The following RNF13 variants were observed in gnomAD, a reference collection of about 807,000 sequenced individuals.
The protein encoded by RNF13 is E3 ubiquitin-protein ligase RNF13.
RNF13 carries 19 observed loss-of-function variants against 37.7 expected under a neutral mutation model. That is an observed-to-expected ratio of 0.50 (90% CI 0.35 to 0.74). The LOEUF (loss-of-function observed/expected upper bound fraction) is 0.74. RNF13 is among the 30% of genes least tolerant of loss of function. The pLI is 0.01. For missense variants in RNF13, 375 were observed against 453.0 expected (o/e 0.83, Z 1.56); for synonymous variants, 144 against 157.8 (o/e 0.91, Z 0.65).
At chr3:149,958,364 T>C (rs1722062952) in intron 8 of RNF13, among the ~76,000 whole-genome samples, 1 of 152,120 alleles carries the variant, frequency 6.6e-6, no homozygotes, top group South Asian at 2.1e-4. Flanking sequence ...TGACCCTTCT[T>C]CCCCCTATCT....
At chr3:149,918,243 T>A (rs1314417586) in intron 7 of RNF13, among the ~76,000 whole-genome samples, 1 of 152,164 alleles carries the variant, frequency 6.6e-6, no homozygotes, top group East Asian at 1.9e-4. Flanking sequence ...TTACAGCACA[T>A]CCCAGTTCAG....
chr3:149,866,313 T>C (rs928859797), intron 3 of RNF13, among the ~76,000 whole-genome samples: 2 of 152,240 alleles, frequency 1.3e-5, no homozygotes, highest in African/African-American at 2.4e-5. Context: ...TTCTTGATGA[T>C]ATGCTAAACA....
At chr3:149,931,700 G>T (rs1024828473) in intron 8 of RNF13, among the ~76,000 whole-genome samples, 2 of 152,140 alleles carry the variant, frequency 1.3e-5, no homozygotes, top group African/African-American at 2.4e-5. Flanking sequence ...TGTGTGTTGG[G>T]AATAATTCAA....
At chr3:149,943,915 A>T (rs1464212407) in intron 8 of RNF13, among the ~76,000 whole-genome samples, 2 of 151,190 alleles carry the variant, frequency 1.3e-5, no homozygotes, top group Non-Finnish European at 2.9e-5. Flanking sequence ...GCACCCATTA[A>T]CTCGTTATTT....
At chr3:149,841,188 G>GC (rs1389363013) in intron 1 of RNF13, among the ~76,000 whole-genome samples, 1 of 152,156 alleles carries the variant, frequency 6.6e-6, no homozygotes, top group African/African-American at 2.4e-5. Flanking sequence ...CTGACAGCCT[G>GC]CATTTATTTT....
intron 4 of RNF13, among the ~76,000 whole-genome samples, chr3:149,878,853 A>G (rs187327352): frequency 6.6e-6 from 1 of 152,124 alleles, no homozygotes; most frequent in Non-Finnish European, 1.5e-5. Flanking sequence ...GTCCAGGCTG[A>G]TGGTTAATTT....
chr3:149,957,296 G>A (rs1241152806), intron 8 of RNF13, among the ~76,000 whole-genome samples: 1 of 152,030 alleles, frequency 6.6e-6, no homozygotes, highest in Non-Finnish European at 1.5e-5. Flanking sequence ...ACTGGATTCT[G>A]CTTTCATCCT....
intron 1 of RNF13, among the ~76,000 whole-genome samples, chr3:149,824,039 A>G (rs1039994899): frequency 6.6e-6 from 1 of 152,244 alleles, no homozygotes; most frequent in Non-Finnish European, 1.5e-5. Flanking sequence ...GGAGGTGCTC[A>G]AGAATGTTGG....
At chr3:149,885,638 T>C (rs1713939219) in intron 4 of RNF13, among the ~76,000 whole-genome samples, 1 of 152,228 alleles carries the variant, frequency 6.6e-6, no homozygotes, top group South Asian at 2.1e-4. Flanking sequence ...ATTGATTCCT[T>C]TTCAGATGGG....
At position 149,961,401 on chromosome 3, in the gene RNF13, C is replaced by G. The variant is rs767326087; in HGVS notation, c.*297C>G. On this transcript the variant is annotated 3_prime_UTR_variant, in exon 10 of 10. Transcript: ENST00000392894. ...CCTCAGTATAGCTTGCAATTAAGAC[C>G]TAGATCACAGTATTTAAGTGTTTTG... The G allele has an allele frequency of 3.8e-6, 2 of 526,952 alleles. No homozygotes were observed. Among genetic ancestry groups the G allele is most frequent in the Non-Finnish European group, 7.2e-6 (2 of 278,710 alleles). 32.6% of individuals were successfully genotyped at this position (526,952 alleles called of 1,614,324 possible). A position where few individuals can be genotyped will look rare whatever the true frequency, so the allele number is the denominator to read the frequency against.
intron 8 of RNF13, among the ~76,000 whole-genome samples, chr3:149,958,508 G>C (rs1421484986): frequency 2.6e-5 from 4 of 152,174 alleles, no homozygotes; most frequent in Non-Finnish European, 5.9e-5. Flanking sequence ...AATACAGGCT[G>C]ATCTCCCTAC....
intron 4 of RNF13, among the ~76,000 whole-genome samples, chr3:149,880,989 G>A (rs1257509374): frequency 6.6e-6 from 1 of 152,082 alleles, no homozygotes; most frequent in Non-Finnish European, 1.5e-5. Flanking sequence ...AAATTTCATG[G>A]AATAGTACTT....
intron 3 of RNF13, among the ~76,000 whole-genome samples, chr3:149,860,039 G>C (rs1010814405): frequency 6.6e-6 from 1 of 151,704 alleles, no homozygotes; most frequent in Non-Finnish European, 1.5e-5. Context: ...GCCCGAGGCA[G>C]GTGGAGCATT....
intron 3 of RNF13, among the ~76,000 whole-genome samples, chr3:149,864,444 A>G (rs1055996139): frequency 1.2e-4 from 19 of 152,162 alleles, no homozygotes; most frequent in African/African-American, 4.3e-4. Context: ...ACCTCTTTAC[A>G]AATTACCCAG....
chr3:149,949,401 T>C (rs1576589581), intron 8 of RNF13, among the ~76,000 whole-genome samples: 1 of 151,686 alleles, frequency 6.6e-6, no homozygotes, highest in East Asian at 1.9e-4. Context: ...GAGAATCTAA[T>C]ATGAGCTCCT....
chr3:149,886,530 G>A (rs1338976431), intron 4 of RNF13, among the ~76,000 whole-genome samples: 2 of 151,992 alleles, frequency 1.3e-5, no homozygotes, highest in Non-Finnish European at 2.9e-5. Flanking sequence ...TTGATTGATC[G>A]AGATATCATT....
intron 4 of RNF13, among the ~76,000 whole-genome samples, chr3:149,886,304 G>C (rs2108472814): frequency 6.6e-6 from 1 of 152,244 alleles, no homozygotes; most frequent in Non-Finnish European, 1.5e-5. Context: ...CATTGAATCT[G>C]TAGATTGCTT....
chr3:149,864,008 ATTTTTTTTTTTTTTTTTTTT>A (rs535062004), intron 3 of RNF13, among the ~76,000 whole-genome samples: 2 of 29,654 alleles, frequency 6.7e-5, no homozygotes, highest in Non-Finnish European at 1.1e-4. Context: ...TTTGATTGGA[ATTTTTTTTTTTTTTTTTTTT>A]TTTTTTTTTT....
intron 8 of RNF13, among the ~76,000 whole-genome samples, chr3:149,924,415 G>A (rs570978675): frequency 5.3e-4 from 81 of 152,282 alleles, no homozygotes; most frequent in Non-Finnish European, 1.0e-3. Context: ...CAAAGACACC[G>A]TGGGGCATTC....
Sources: allele counts gnomAD v4.1 joint callset (sites outside exome capture counted in the v4.1 genomes callset), GRCh38; gene constraint gnomAD v4.1.1; transcripts MANE v1.5; gene names NCBI Gene and HGNC (gene_info 2026-07-23, HGNC 2026-07-21).